Variants in EHMT1 observed in about 807,000 individuals in gnomAD.
The protein encoded by EHMT1 is histone-lysine N-methyltransferase EHMT1.
In EHMT1, 15 loss-of-function variants were observed where a neutral mutation model predicts 147.2. The observed-to-expected ratio is 0.10, with a 90% CI of 0.07 to 0.16. The LOEUF (loss-of-function observed/expected upper bound fraction) is 0.16. Ranked by LOEUF, EHMT1 falls within the 10% of genes least tolerant of loss-of-function variation. The pLI is 1.00. For missense variants in EHMT1, 1,587 were observed against 1,772.4 expected (o/e 0.90, Z 1.88); for synonymous variants, 795 against 709.6 (o/e 1.12, Z -1.91).
At position 137,633,318 on chromosome 9, in the gene EHMT1, CT is replaced by C. The variant is rs1008810896; in HGVS notation, c.21+14282del. On this transcript the variant is annotated intron_variant, in intron 1 of 26. Coordinates refer to ENST00000460843, the MANE Select transcript of EHMT1 (RefSeq NM_024757.5). ...ACAAAGATCAAAATATAATTGACTA[CT>C]TTTTTTTTTTTTGTAATACAGATCT... 4.5e-3 allele frequency among the ~76,000 whole-genome samples: 656 copies of C among 144,744 alleles called. 2 individuals carry two copies. The highest frequency in any genetic ancestry group is 5.1e-3 in the African/African-American group (205 of 39,826). 95.0% of individuals were successfully genotyped at this position (144,744 alleles called of 152,430 possible).
intron 6 of EHMT1, among the ~76,000 whole-genome samples, chr9:137,751,641 A>G (rs1948977408): frequency 6.6e-6 from 1 of 152,268 alleles, no homozygotes; most frequent in African/African-American, 2.4e-5. Context: ...CTGTGCTTAT[A>G]GAAAAGATAA....
intron 25 of EHMT1, chr9:137,833,036 G>A (rs1272954937): frequency 2.6e-5 from 4 of 152,318 alleles, no homozygotes; most frequent in Non-Finnish European, 4.4e-5. Flanking sequence ...CCTGTCCTGC[G>A]GCCGTGCTCG....
At chr9:137,669,800 A>T (rs954371025) in intron 1 of EHMT1, among the ~76,000 whole-genome samples, 4 of 151,924 alleles carry the variant, frequency 2.6e-5, no homozygotes, top group Admixed American at 2.6e-4. Context: ...TGATCCTCCC[A>T]TCTGGGCCTC....
intron 6 of EHMT1, among the ~76,000 whole-genome samples, chr9:137,749,351 A>G (rs1948795424): frequency 6.6e-6 from 1 of 151,984 alleles, no homozygotes; most frequent in Admixed American, 6.6e-5. Flanking sequence ...AGTTTATTGT[A>G]GTCTTCACCT....
chr9:137,644,036 C>T (rs936731830), intron 1 of EHMT1, among the ~76,000 whole-genome samples: 4 of 152,152 alleles, frequency 2.6e-5, no homozygotes, highest in African/African-American at 9.7e-5. Context: ...ACTTGAGGGC[C>T]GCTCCTCCCT....
At chr9:137,832,367 C>T (rs577742358) in intron 25 of EHMT1, among the ~76,000 whole-genome samples, 2 of 126,534 alleles carry the variant, frequency 1.6e-5, no homozygotes, top group African/African-American at 3.0e-5. Flanking sequence ...ACCTCGCTCC[C>T]GTCCTAGAAT....
chr9:137,789,532 C>T (rs1952335637), intron 15 of EHMT1, among the ~76,000 whole-genome samples: 4 of 152,158 alleles, frequency 2.6e-5, no homozygotes, highest in African/African-American at 9.7e-5. Context: ...ACTTTACCTT[C>T]AGGTTTGGCA....
chr9:137,678,335 G>A (rs1941591042), intron 1 of EHMT1, among the ~76,000 whole-genome samples: 1 of 152,174 alleles, frequency 6.6e-6, no homozygotes, highest in Non-Finnish European at 1.5e-5. Flanking sequence ...CTGGGGGGAA[G>A]CATGAGGCCT....
rs1194874442 is a variant in EHMT1, at chr9:137,813,749, C to A, written c.3180+219C>A. 6.6e-6 allele frequency among the ~76,000 whole-genome samples: 1 copy of A among 152,140 alleles called. No individual in the cohort carries two copies. Among genetic ancestry groups the A allele is most frequent in the Non-Finnish European group, 1.5e-5 (1 of 68,030 alleles). On this transcript the variant is annotated intron_variant, in intron 21 of 26. Transcript: ENST00000460843. The surrounding 1 kb of genome is among the most constrained non-coding windows in gnomAD (Gnocchi z 4.9). The stretch of plus-strand genomic sequence containing the variant: ...GCCCTGGGCCCTCTCATTGCTCTTC[C>A]AAGGCTTCTTACCGACCCAAAGCAG...
intron 25 of EHMT1, chr9:137,833,060 C>G (rs1047599918): frequency 1.3e-5 from 2 of 152,338 alleles, no homozygotes; most frequent in African/African-American, 4.8e-5. Flanking sequence ...GGTTTACTGT[C>G]TTGTCACTGC....
At chr9:137,809,683 A>G (rs988294278) in intron 18 of EHMT1, among the ~76,000 whole-genome samples, 8 of 152,262 alleles carry the variant, frequency 5.3e-5, no homozygotes, top group African/African-American at 9.6e-5. Context: ...TAATCCAGCA[A>G]TCCTGCCTCT....
chr9:137,751,732 T>C (rs1403372864), intron 6 of EHMT1, among the ~76,000 whole-genome samples: 1 of 152,198 alleles, frequency 6.6e-6, no homozygotes, highest in East Asian at 1.9e-4. Flanking sequence ...GAAAATAATA[T>C]TCACAGAACT....
Position 137,813,597 on chromosome 9 carries a change from T to C in EHMT1, c.3180+67T>C. 4 of 1,598,886 alleles carry C rather than the reference T, an allele frequency of 2.5e-6. No individual in the cohort carries two copies. The South Asian group carries it at 3.4e-5, about 13-fold the overall frequency. The stretch of plus-strand genomic sequence containing the variant: ...GGGACAGGCAGAAGCTTCTTGAGCC[T>C]GGGGTCCTGGGTTCTCACCACTCAG... On this transcript the variant is annotated intron_variant, in intron 21 of 26. Transcript: ENST00000460843. This position sits in a 1 kb window ranked among gnomAD's most constrained non-coding sequence, Gnocchi z 4.9.
intron 1 of EHMT1, among the ~76,000 whole-genome samples, chr9:137,706,160 T>G (rs1347297927): frequency 1.3e-5 from 2 of 151,870 alleles, no homozygotes; most frequent in Non-Finnish European, 2.9e-5. Context: ...CGACCTGGCC[T>G]GGGGGTTGGC....
At chr9:137,818,218 G>A in intron 25 of EHMT1, 80 bp downstream of exon 25, 1 of 1,483,016 alleles carries the variant, frequency 6.7e-7, no homozygotes, top group Non-Finnish European at 9.4e-7. Flanking sequence ...GTAGGGCTGG[G>A]ATTCAGAAGA....
intron 1 of EHMT1, among the ~76,000 whole-genome samples, chr9:137,661,460 T>TTAA (rs1260228355): frequency 6.6e-6 from 1 of 152,068 alleles, no homozygotes; most frequent in African/African-American, 2.4e-5. Flanking sequence ...GAGTATTGAA[T>TTAA]TTTACCCCAG....
intron 1 of EHMT1, among the ~76,000 whole-genome samples, chr9:137,669,831 G>T (rs2134246664): frequency 6.6e-6 from 1 of 152,180 alleles, no homozygotes; most frequent in African/African-American, 2.4e-5. Flanking sequence ...GATATTACAG[G>T]TGTGAGCCAT....
At chr9:137,669,086 C>T (rs1182564841) in intron 1 of EHMT1, among the ~76,000 whole-genome samples, 2 of 152,138 alleles carry the variant, frequency 1.3e-5, no homozygotes, top group African/African-American at 4.8e-5. Context: ...GGGGTTTCAC[C>T]ATGTTGGGCA....
intron 1 of EHMT1, among the ~76,000 whole-genome samples, chr9:137,657,208 G>C (rs1290099934): frequency 1.3e-5 from 2 of 152,200 alleles, no homozygotes; most frequent in East Asian, 3.9e-4. Flanking sequence ...CTGCAGTCTT[G>C]AGGAAGCAGC....
Sources: gnomAD v4.1 joint callset for allele counts (sites outside exome capture counted in the v4.1 genomes callset) on GRCh38, gnomAD v4.1.1 for gene constraint, Gnocchi (gnomAD v3.1) non-coding constraint, MANE v1.5 for transcripts, NCBI Gene and HGNC (gene_info 2026-07-23, HGNC 2026-07-21) for gene names.